THRAP3: variants seen among roughly 807,000 people sequenced by gnomAD.
THRAP3 encodes the protein thyroid hormone receptor-associated protein 3.
THRAP3 carries 16 observed loss-of-function variants against 101.0 expected under a neutral mutation model. The ratio of observed to expected loss-of-function variants is 0.16; its 90% CI spans 0.11 to 0.24. The LOEUF (loss-of-function observed/expected upper bound fraction) is 0.24, where lower values mean the gene tolerates loss of function less well. THRAP3 is among the 10% of genes least tolerant of loss of function. The pLI is 1.00. For synonymous variants in THRAP3, 407 were observed against 422.6 expected, an observed-to-expected ratio of 0.96 and a Z score of 0.45; for missense variants, 989 against 1,202.7, an observed-to-expected ratio of 0.82 and a Z score of 2.63.
the THRAP3 span, among the ~76,000 whole-genome samples, chr1:36,212,520 G>A: frequency 6.8e-6 from 1 of 146,924 alleles, no homozygotes; most frequent in African/African-American, 2.6e-5. Flanking sequence ...TCCTGCGTTC[G>A]AGCGATTCTC....
At chr1:36,230,889 C>T (rs932800542) in intron 1 of THRAP3, among the ~76,000 whole-genome samples, 1 of 152,154 alleles carries the variant, frequency 6.6e-6, no homozygotes, top group Non-Finnish European at 1.5e-5. Context: ...TTTGAAAAAG[C>T]AGATCTGGCA....
chr1:36,293,729 A>T lies in THRAP3; in HGVS notation c.2031-122A>T, dbSNP rs571265035. On this transcript the variant is annotated intron_variant, in intron 7 of 11. Coordinates refer to ENST00000354618, the MANE Select transcript of THRAP3 (RefSeq NM_005119.4). ...ATAAGAGTAAAAGTAATAGATACAT[A>T]AGTCATGAAACGTAAGGAAAAATAA... The T allele has an allele frequency of 5.2e-5, 39 of 751,158 alleles. No homozygotes were observed. In the African/African-American group the frequency reaches 6.0e-4, roughly 12 times the overall value. The allele number at this position is 751,158 out of a possible 1,614,324, so 46.5% of individuals were successfully genotyped here.
intron 11 of THRAP3, among the ~76,000 whole-genome samples, chr1:36,302,932 A>G (rs537655405): frequency 4.1e-4 from 62 of 152,238 alleles, no homozygotes; most frequent in Middle Eastern, 3.4e-3. Flanking sequence ...GAGATACAAA[A>G]TGAGAGTGTG....
chr1:36,241,546 G>C (rs1410448918), intron 1 of THRAP3, among the ~76,000 whole-genome samples: 2 of 150,640 alleles, frequency 1.3e-5, no homozygotes, highest in East Asian at 3.9e-4. Flanking sequence ...AACATGAGTA[G>C]AAGGTTGACT....
At chr1:36,255,442 A>G (rs1049994149) in intron 1 of THRAP3, among the ~76,000 whole-genome samples, 2 of 151,862 alleles carry the variant, frequency 1.3e-5, no homozygotes, top group African/African-American at 4.8e-5. Flanking sequence ...AGCCTGGGCA[A>G]CATAGTGAGA....
At chr1:36,267,871 C>T (rs1458178371) in intron 2 of THRAP3, among the ~76,000 whole-genome samples, 1 of 47,990 alleles carries the variant, frequency 2.1e-5, no homozygotes, top group African/African-American at 4.0e-5. Context: ...AAGTGAATAG[C>T]AGTACTTTTA....
the THRAP3 span, among the ~76,000 whole-genome samples, chr1:36,210,721 A>AG: frequency 2.7e-4 from 2 of 7,422 alleles, 1 homozygote; most frequent in Admixed American, 5.8e-3. Context: ...ATATATATAT[A>AG]TATATATATA....
chr1:36,266,869 T>A (rs1251779128), intron 2 of THRAP3, among the ~76,000 whole-genome samples: 1 of 140,246 alleles, frequency 7.1e-6, no homozygotes, highest in African/African-American at 3.1e-5. Context: ...TATTTATTTA[T>A]TTATTTATTT....
rs1570340322 is a variant in THRAP3 at position 36,292,306 on chromosome 1, C to T, written c.1919-292C>T. Among the ~76,000 whole-genome samples, 4 of 91,230 alleles carry T rather than the reference C, an allele frequency of 4.4e-5. No individual in the cohort carries two copies. In the South Asian group the frequency reaches 1.6e-3, roughly 37 times the overall value. The allele number at this position is 91,230 out of a possible 152,430, so 59.9% of individuals were successfully genotyped here. ...TTTTTTTTTGAGACGGAGTCTTGCT[C>T]TGTTGCCCAGGCTGGAGTGCAGTGG... On this transcript the variant is annotated intron_variant, in intron 6 of 11. Transcript: ENST00000354618.
chr1:36,270,867 A>G (rs1347058627), intron 2 of THRAP3, among the ~76,000 whole-genome samples: 1 of 152,174 alleles, frequency 6.6e-6, no homozygotes, highest in Non-Finnish European at 1.5e-5. Context: ...GGTGTGAGCC[A>G]CTGCGCCCAG....
At chr1:36,264,294 A>G (rs1210868885) in intron 2 of THRAP3, among the ~76,000 whole-genome samples, 1 of 152,250 alleles carries the variant, frequency 6.6e-6, no homozygotes, top group African/African-American at 2.4e-5. Flanking sequence ...AACATAGTTT[A>G]AGGTGTTTAC....
chr1:36,225,191 C>T (rs888257166), intron 1 of THRAP3: 2 of 152,258 alleles, frequency 1.3e-5, no homozygotes, highest in African/African-American at 4.8e-5. Context: ...AGCATGGCAG[C>T]AGAAGCTGGG....
At chr1:36,223,191 A>C (rs1290313995), upstream of THRAP3, among the ~76,000 whole-genome samples, 1 of 152,232 alleles carries the variant, frequency 6.6e-6, no homozygotes, top group African/African-American at 2.4e-5. Flanking sequence ...AGCACTGCGC[A>C]GTACGTCGAC....
intron 2 of THRAP3, among the ~76,000 whole-genome samples, chr1:36,269,040 A>ATTTTTG (rs1645554698): frequency 6.6e-6 from 1 of 150,668 alleles, no homozygotes; most frequent in East Asian, 2.0e-4. Context: ...TAGTTTTTTA[A>ATTTTTG]TCTGGAGAAA....
chr1:36,289,829 T>C lies in THRAP3; in HGVS notation c.1745+65T>C, dbSNP rs114423930. 2.0e-3 allele frequency: 2,980 copies of C among 1,518,494 alleles called. 42 individuals carry two copies. The African/African-American group carries it at 0.035, about 18-fold the overall frequency. The allele number at this position is 1,518,494 out of a possible 1,614,324, so 94.1% of individuals were successfully genotyped here. A position where few individuals can be genotyped will look rare whatever the true frequency, so the allele number is the denominator to read the frequency against. ...CCTAAGTGGTGTCGCCTAGCCTTTCTCCCTGGGGACATTCTGCTGTATTCC... is the reference window on the plus strand; with the variant it reads ...CCTAAGTGGTGTCGCCTAGCCTTTCCCCCTGGGGACATTCTGCTGTATTCC... On this transcript the variant is annotated intron_variant, in intron 5 of 11. Coordinates refer to ENST00000354618, the MANE Select transcript of THRAP3 (RefSeq NM_005119.4).
Position 36,286,422 on chromosome 1 carries a change from C to T in THRAP3, c.192C>T (p.His64=). ...CAGCTCATAACAGAGAAAGAAACCA[C>T]CCAAGAGTATATCAGAATCGGGATT... The part of the protein sequence containing the change: ...YSPAHNRERN[H]PRVYQNRDFR... The change falls in exon 4 of 12, where the codon CAC becomes CAT. Residue 64 remains histidine (H), a synonymous_variant. Coordinates refer to ENST00000354618, the MANE Select transcript of THRAP3 (RefSeq NM_005119.4). This position sits in a 1 kb window ranked among gnomAD's most constrained non-coding sequence, Gnocchi z 5.5. 2 of 1,614,068 alleles carry T rather than the reference C, an allele frequency of 1.2e-6. No individual in the cohort carries two copies. The highest frequency in any genetic ancestry group is 1.7e-6 in the Non-Finnish European group (2 of 1,180,010).
At chr1:36,299,764 C>T (rs771140280) in intron 9 of THRAP3, among the ~76,000 whole-genome samples, 11 of 152,152 alleles carry the variant, frequency 7.2e-5, no homozygotes, top group Admixed American at 4.6e-4. Context: ...CCGCCTTGGC[C>T]TCCCAAAGTG....
chr1:36,239,370 G>A (rs895481856), intron 1 of THRAP3, among the ~76,000 whole-genome samples: 3 of 147,754 alleles, frequency 2.0e-5, no homozygotes, highest in African/African-American at 7.5e-5. Context: ...GGCTTTCAGC[G>A]ATTCTCCTGC....
In THRAP3 at chr1:36,302,598, C is replaced by T. The variant is rs541753057; in HGVS notation, c.2646+902C>T. Among the ~76,000 whole-genome samples, 163 of 152,254 alleles carry T rather than the reference C, an allele frequency of 1.1e-3. 2 individuals are homozygous for T. The highest frequency in any genetic ancestry group is 3.7e-3 in the African/African-American group (153 of 41,530). On this transcript the variant is annotated intron_variant, in intron 11 of 11. Transcript: ENST00000354618. ...CTGAGAGAGTATTGCCAGCCTGATT[C>T]GTTTAGTGTGAACAAGCAGCCATGG...
Sources: allele counts gnomAD v4.1 joint callset (sites outside exome capture counted in the v4.1 genomes callset), GRCh38; gene constraint gnomAD v4.1.1; non-coding constraint Gnocchi (gnomAD v3.1); transcripts MANE v1.5; gene names NCBI Gene and HGNC (gene_info 2026-07-23, HGNC 2026-07-21).